Variants in CFAP54 observed in about 807,000 individuals in gnomAD.
CFAP54 encodes cilia and flagella associated protein 54.
Under a neutral mutation model 370.4 loss-of-function variants are expected in CFAP54, and 290 were observed. The ratio of observed to expected loss-of-function variants is 0.78; its 90% CI spans 0.71 to 0.86. The LOEUF (loss-of-function observed/expected upper bound fraction) is 0.86, where lower values mean the gene tolerates loss of function less well. Among genes scored for constraint, CFAP54 ranks in the 40% least tolerant of loss-of-function variants. The pLI, the probability that CFAP54 is intolerant of heterozygous loss-of-function variation, is 0.00. For synonymous variants in CFAP54, 1,206 were observed against 1,236.5 expected, an observed-to-expected ratio of 0.98 and a Z score of 0.52; for missense variants, 3,399 against 3,528.7, an observed-to-expected ratio of 0.96 and a Z score of 0.93.
intron 55 of CFAP54, among the ~76,000 whole-genome samples, chr12:96,751,179 G>A (rs2136653380): frequency 6.6e-6 from 1 of 152,154 alleles, no homozygotes; most frequent in Non-Finnish European, 1.5e-5. Flanking sequence ...TCTATGATAG[G>A]AGTGAATGAA....
At chr12:96,525,722 ACT>A (rs1565884716) in intron 8 of CFAP54, among the ~76,000 whole-genome samples, 1 of 152,154 alleles carries the variant, frequency 6.6e-6, no homozygotes, top group East Asian at 1.9e-4. Flanking sequence ...ATGGAGTCTC[ACT>A]CTGTCACCTA....
intron 66 of CFAP54, among the ~76,000 whole-genome samples, chr12:96,834,668 AAC>A (rs1168589224): frequency 6.6e-6 from 1 of 152,254 alleles, no homozygotes; most frequent in Admixed American, 6.5e-5. Flanking sequence ...AAGAAGAAGT[AAC>A]AGCCTTGGCT....
intron 66 of CFAP54, among the ~76,000 whole-genome samples, chr12:96,846,644 A>C (rs1033024893): frequency 6.6e-6 from 1 of 152,140 alleles, no homozygotes; most frequent in Non-Finnish European, 1.5e-5. Context: ...GTTTTCTTAA[A>C]TAGTTCCCTA....
chr12:96,625,146 A>G (rs1396928779), intron 28 of CFAP54, among the ~76,000 whole-genome samples: 1 of 152,232 alleles, frequency 6.6e-6, no homozygotes, highest in Admixed American at 6.5e-5. Context: ...TTTACAAAAT[A>G]TACTATTTTT....
At chr12:96,760,926 T>C (rs1187646883) in intron 58 of CFAP54, among the ~76,000 whole-genome samples, 1 of 152,242 alleles carries the variant, frequency 6.6e-6, no homozygotes, top group Non-Finnish European at 1.5e-5. Flanking sequence ...GTTTTGCACA[T>C]TCATATACAA....
chr12:96,505,014 CTTTT>C (rs1955080404), intron 3 of CFAP54, among the ~76,000 whole-genome samples: 1 of 111,520 alleles, frequency 9.0e-6, no homozygotes, highest in Non-Finnish European at 1.9e-5. Flanking sequence ...TTCTTTCTTT[CTTTT>C]TCTTTTCTTC....
chr12:96,550,441 G>A (rs766668632), intron 15 of CFAP54, among the ~76,000 whole-genome samples: 1 of 152,170 alleles, frequency 6.6e-6, no homozygotes, highest in Admixed American at 6.5e-5. Context: ...GCCAGGCATT[G>A]TGGTGCCTGC....
In CFAP54 at chr12:96,512,820, A is replaced by G. The variant is rs1266916536; in HGVS notation, c.740-166A>G. ...GTTAATTATTTTAATGATTTTGTTT[A>G]CAAGTTACAAGAAAAATTATGATGA... On this transcript the variant is annotated intron_variant, in intron 4 of 67. Coordinates refer to ENST00000524981, the MANE Select transcript of CFAP54 (RefSeq NM_001306084.2). 2.0e-5 allele frequency among the ~76,000 whole-genome samples: 3 copies of G among 152,310 alleles called. No individual in the cohort carries two copies. The East Asian group carries it at 5.8e-4, about 29-fold the overall frequency.
In CFAP54 at chr12:96,742,488, A is replaced by G. The variant is rs114996121; in HGVS notation, c.7121A>G (p.Asn2374Ser). Residue 2374 changes from asparagine to serine, a missense_variant, in exon 52 of 68, where the codon AAT becomes AGT. Physicochemically the swap from Asn to Ser is conservative, Grantham distance 46. This residue lies in a region of CFAP54 where 2,796 missense variants were observed against 2,869.7 expected (regional missense o/e 0.97). Coordinates refer to ENST00000524981, the MANE Select transcript of CFAP54 (RefSeq NM_001306084.2). ...GAGTTTTTAGATCCTATTTCCCTAA[A>G]TGCCCGAGAATATTTCAACATTCAT... The part of the protein sequence containing the change: ...DSEFLDPISL[N>S]AREYFNIHLW... The G allele has an allele frequency of 1.9e-6, 3 of 1,609,078 alleles. No homozygotes were observed. Among genetic ancestry groups the G allele is most frequent in the Non-Finnish European group, 2.6e-6 (3 of 1,175,948 alleles).
At chr12:96,594,537 A>C in intron 25 of CFAP54, 91 bp downstream of exon 25, 1 of 988,812 alleles carries the variant, frequency 1.0e-6, no homozygotes, top group Non-Finnish European at 1.4e-6. Context: ...TATCTCTTAT[A>C]AAGGGCAAAT....
intron 55 of CFAP54, 91 bp from the exon 56 acceptor site, chr12:96,753,652 C>T: frequency 8.0e-7 from 1 of 1,245,360 alleles, no homozygotes; most frequent in Non-Finnish European, 1.1e-6. Flanking sequence ...TGATAGATTT[C>T]ATTACTGTGA....
intron 63 of CFAP54, among the ~76,000 whole-genome samples, chr12:96,798,452 T>C (rs915331565): frequency 1.3e-5 from 2 of 150,964 alleles, no homozygotes; most frequent in African/African-American, 4.8e-5. Flanking sequence ...CCATTTTTGC[T>C]GTTGAGAGTT....
At chr12:96,496,800 A>G (rs1488406133) in intron 1 of CFAP54, among the ~76,000 whole-genome samples, 2 of 152,218 alleles carry the variant, frequency 1.3e-5, no homozygotes, top group African/African-American at 4.8e-5. Context: ...AGAGACATAT[A>G]TAATTTCTGA....
intron 15 of CFAP54, among the ~76,000 whole-genome samples, chr12:96,550,379 C>A (rs1955681797): frequency 6.6e-6 from 1 of 152,160 alleles, no homozygotes; most frequent in Non-Finnish European, 1.5e-5. Flanking sequence ...AAGTTTGAGA[C>A]CAGCCTGGCC....
At chr12:96,623,639 G>T (rs1956523761) in intron 27 of CFAP54, 128 bp from the exon 28 acceptor site, 2 of 595,498 alleles carry the variant, frequency 3.4e-6, no homozygotes, top group South Asian at 4.1e-5. Flanking sequence ...AATTAATATT[G>T]TTATGTAGAT....
At chr12:96,810,017 A>G (rs1958915619) in intron 63 of CFAP54, among the ~76,000 whole-genome samples, 1 of 152,184 alleles carries the variant, frequency 6.6e-6, no homozygotes, top group African/African-American at 2.4e-5. Flanking sequence ...ACATAAGCAG[A>G]GAGCAAAATA....
chr12:96,560,861 C>A (rs1310616520), intron 17 of CFAP54, among the ~76,000 whole-genome samples: 1 of 152,174 alleles, frequency 6.6e-6, no homozygotes, highest in Non-Finnish European at 1.5e-5. Flanking sequence ...GTGATCCTTC[C>A]TGAATTAATT....
rs1956817139 is a variant in CFAP54, at chr12:96,648,002, G to A, written c.4675G>A (p.Ala1559Thr). Residue 1559 changes from alanine (A) to threonine (T), a missense_variant, in exon 34 of 68, where the codon GCC (alanine) becomes ACC (threonine). This residue lies in a region of CFAP54 where 2,796 missense variants were observed against 2,869.7 expected (regional missense o/e 0.97). Transcript: ENST00000524981. ...CCTTCTTACAGCCAAAAAAAGAAAG[G>A]CCAACTTACCATCAGGTAAAATAAA... ...DFLLTAKKRK[A>T]NLPSDAEEFS... 3 of 1,500,868 alleles carry A rather than the reference G, an allele frequency of 2.0e-6. No homozygotes were observed. The highest frequency in any genetic ancestry group is 1.4e-5 in the African/African-American group (1 of 70,468). 93.0% of individuals were successfully genotyped at this position (1,500,868 alleles called of 1,614,324 possible). A position where few individuals can be genotyped will look rare whatever the true frequency, so the allele number is the denominator to read the frequency against.
intron 26 of CFAP54, among the ~76,000 whole-genome samples, chr12:96,600,686 T>A (rs1956230101): frequency 6.7e-6 from 1 of 149,360 alleles, no homozygotes; most frequent in African/African-American, 2.4e-5. Context: ...GTAGTTGTCC[T>A]TTGGATTCCT....
Sources: allele counts gnomAD v4.1 joint callset (sites outside exome capture counted in the v4.1 genomes callset), GRCh38; gene constraint gnomAD v4.1.1; regional missense constraint gnomAD v4.1.1; transcripts MANE v1.5; gene names NCBI Gene and HGNC (gene_info 2026-07-23, HGNC 2026-07-21).